The following SCN2A variants were observed in gnomAD, a reference collection of about 807,000 sequenced individuals.
The protein encoded by SCN2A is sodium voltage-gated channel alpha subunit 2.
A neutral mutation model predicts 188.7 loss-of-function variants in SCN2A; 20 were observed. The observed-to-expected ratio is 0.11, with a 90% confidence interval of 0.07 to 0.15. The LOEUF (loss-of-function observed/expected upper bound fraction) is 0.15. Ranked by LOEUF, SCN2A falls within the 10% of genes least tolerant of loss-of-function variation. The probability of loss-of-function intolerance (pLI) is 1.00; values close to 1 mark genes in which losing one functional copy is unlikely to be tolerated. For synonymous variants in SCN2A, 804 were observed against 833.1 expected, an observed-to-expected ratio of 0.97 and a Z score of 0.60; for missense variants, 1,278 against 2,445.0, an observed-to-expected ratio of 0.52 and a Z score of 10.07.
At chr2:165,265,489 A>ATG (rs1249283599) in intron 1 of SCN2A, among the ~76,000 whole-genome samples, 2 of 113,738 alleles carry the variant, frequency 1.8e-5, no homozygotes, top group African/African-American at 6.5e-5. Context: ...ATATATATAT[A>ATG]TATATATATA....
chr2:165,384,289 T>C (rs1701750254), intron 25 of SCN2A, among the ~76,000 whole-genome samples: 1 of 152,156 alleles, frequency 6.6e-6, no homozygotes, highest in African/African-American at 2.4e-5. Context: ...GGAATTATCT[T>C]TGGAGCAAAT....
In SCN2A at chr2:165,365,224, C is replaced by T. The variant is rs1170487522; in HGVS notation, c.3481C>T (p.Pro1161Ser). 6.2e-7 allele frequency: 1 copy of T among 1,613,894 alleles called. No individual in the cohort carries two copies. The highest frequency in any genetic ancestry group is 1.1e-5 in the South Asian group (1 of 91,068). ...PAEGEQPEVE[P>S]EESLEPEACF... ...CGAGGGAGAACAGCCTGAGGTTGAA[C>T]CTGAGGAATCCCTTGAACCTGAAGC... Residue 1161 changes from proline to serine, a missense_variant, in exon 18 of 27, where the codon CCT becomes TCT. This residue lies in a region of SCN2A where 228 missense variants were observed against 297.3 expected (regional missense o/e 0.77). Transcript: ENST00000375437.
At chr2:165,263,806 A>G (rs570544333) in intron 1 of SCN2A, among the ~76,000 whole-genome samples, 3 of 151,648 alleles carry the variant, frequency 2.0e-5, no homozygotes, top group South Asian at 4.2e-4. Context: ...TGTGTTGTCT[A>G]TGATTTCTTT....
chr2:165,342,175 C>G, intron 14 of SCN2A, 121 bp from the exon 15 acceptor site: 1 of 921,480 alleles, frequency 1.1e-6, no homozygotes, highest in Non-Finnish European at 1.7e-6. Flanking sequence ...GTTGTTGGAC[C>G]TAAACCAATT....
At chr2:165,316,474 A>C (rs1174070693) in intron 11 of SCN2A, among the ~76,000 whole-genome samples, 11 of 152,184 alleles carry the variant, frequency 7.2e-5, no homozygotes. Flanking sequence ...TTGTCTTTGA[A>C]ATTACCAAGA....
intron 1 of SCN2A, among the ~76,000 whole-genome samples, chr2:165,260,261 A>T (rs1694524623): frequency 6.6e-6 from 1 of 152,144 alleles, no homozygotes; most frequent in Admixed American, 6.5e-5. Context: ...TTTCTTAATA[A>T]GACTTGCAGA....
rs761771724 is a variant in SCN2A, at chr2:165,326,846, T to C, written c.2017-6T>C. ...GTGGTTATTTCATCTGAAATTCTACTTCTAGGGCACAACTACTGAAACAGA... is the reference window on the plus strand; with the variant it reads ...GTGGTTATTTCATCTGAAATTCTACCTCTAGGGCACAACTACTGAAACAGA... On this transcript the variant is annotated splice_polypyrimidine_tract_variant and splice_region_variant and intron_variant, in intron 12 of 26. Transcript: ENST00000375437. 2.5e-6 allele frequency: 4 copies of C among 1,613,782 alleles called. No individual in the cohort carries two copies. Among genetic ancestry groups the C allele is most frequent in the Non-Finnish European group, 3.4e-6 (4 of 1,179,828 alleles).
intron 3 of SCN2A, among the ~76,000 whole-genome samples, chr2:165,304,420 A>C (rs1241585026): frequency 6.6e-6 from 1 of 152,210 alleles, no homozygotes; most frequent in Non-Finnish European, 1.5e-5. Context: ...GACAAACTTT[A>C]TGCTGTATTT....
chr2:165,245,021 C>G (rs1693784359), intron 1 of SCN2A, among the ~76,000 whole-genome samples: 1 of 152,172 alleles, frequency 6.6e-6, no homozygotes, highest in Non-Finnish European at 1.5e-5. Context: ...AAGACTGACA[C>G]TATCCCTCTT....
intron 9 of SCN2A, 55 bp from the exon 10 acceptor site, chr2:165,313,847 G>A (rs916892623): frequency 8.1e-6 from 13 of 1,610,948 alleles, no homozygotes; most frequent in Non-Finnish European, 1.0e-5. Flanking sequence ...TACTTAGAGT[G>A]TAAGTTTGTA....
chr2:165,260,301 G>C (rs1206159189), intron 1 of SCN2A, among the ~76,000 whole-genome samples: 1 of 152,054 alleles, frequency 6.6e-6, no homozygotes, highest in Non-Finnish European at 1.5e-5. Context: ...CATGGAGTGC[G>C]GGCATGAAAA....
chr2:165,388,291 A>G (rs1701976275), intron 26 of SCN2A, among the ~76,000 whole-genome samples: 1 of 152,138 alleles, frequency 6.6e-6, no homozygotes, highest in South Asian at 2.1e-4. Flanking sequence ...TGCAAATACT[A>G]GAACTAGTAT....
At chr2:165,296,443 C>G (rs1056436822) in intron 2 of SCN2A, 3 of 268,052 alleles carry the variant, frequency 1.1e-5, no homozygotes, top group Admixed American at 1.0e-4. Context: ...AACTAGGAGT[C>G]TATTTAAATT....
chr2:165,334,063 CAA>C (rs1260854047), intron 14 of SCN2A, among the ~76,000 whole-genome samples: 2 of 149,642 alleles, frequency 1.3e-5, no homozygotes, highest in East Asian at 1.9e-4. Context: ...GAAACTGACT[CAA>C]GAAGTAATAG....
intron 17 of SCN2A, among the ~76,000 whole-genome samples, chr2:165,356,427 G>A (rs1215872419): frequency 1.3e-5 from 2 of 152,118 alleles, no homozygotes; most frequent in Non-Finnish European, 2.9e-5. Context: ...TTCATATACA[G>A]TGTACTGCTC....
At position 165,373,967 on chromosome 2, in the gene SCN2A, T is replaced by A. The variant is rs1010573306; in HGVS notation, c.3972+620T>A. Among the ~76,000 whole-genome samples, 6 of 152,126 alleles carry A rather than the reference T, an allele frequency of 3.9e-5. No individual in the cohort carries two copies. In the East Asian group the frequency reaches 1.2e-3, roughly 29 times the overall value. The stretch of plus-strand genomic sequence containing the variant: ...GTTTTAGCTGGTTCAAAGAGGATTT[T>A]AAAAAAATGATACTTTTTGTGATAT... On this transcript the variant is annotated intron_variant, in intron 21 of 26. Coordinates refer to ENST00000375437, the MANE Select transcript of SCN2A (RefSeq NM_001040142.2).
intron 15 of SCN2A, among the ~76,000 whole-genome samples, chr2:165,343,210 G>A (rs1283436086): frequency 6.6e-6 from 1 of 152,246 alleles, no homozygotes; most frequent in South Asian, 2.1e-4. Context: ...CTAAGGACAC[G>A]TTCCTATAGA....
intron 19 of SCN2A, among the ~76,000 whole-genome samples, chr2:165,369,148 C>T (rs1700890679): frequency 6.6e-6 from 1 of 152,166 alleles, no homozygotes; most frequent in East Asian, 1.9e-4. Context: ...AGGCTGGTCT[C>T]GAACTCCTGG....
intron 1 of SCN2A, among the ~76,000 whole-genome samples, chr2:165,287,629 C>T (rs989049676): frequency 3.3e-5 from 5 of 152,070 alleles, no homozygotes; most frequent in Non-Finnish European, 7.3e-5. Flanking sequence ...GCCTGACATT[C>T]CTGAGGGAGG....
Sources: allele counts gnomAD v4.1 joint callset (sites outside exome capture counted in the v4.1 genomes callset), GRCh38; gene constraint gnomAD v4.1.1; regional missense constraint gnomAD v4.1.1; transcripts MANE v1.5; gene names NCBI Gene and HGNC (gene_info 2026-07-23, HGNC 2026-07-21).